Variants in TASOR observed in about 807,000 individuals in gnomAD.
TASOR encodes transcription activation suppressor.
TASOR carries 53 observed loss-of-function variants against 178.6 expected under a neutral mutation model. The ratio of observed to expected loss-of-function variants is 0.30; its 90% confidence interval spans 0.24 to 0.37. The LOEUF is 0.37. Ranked by LOEUF, TASOR falls within the 10% of genes least tolerant of loss-of-function variation. The pLI is 1.00. For synonymous variants in TASOR, 713 were observed against 696.2 expected (o/e 1.02, Z -0.38); for missense variants, 1,815 against 1,971.4 (o/e 0.92, Z 1.50).
At chr3:56,625,686 ATTTC>A (rs1157891053) in intron 21 of TASOR, among the ~76,000 whole-genome samples, 2 of 151,256 alleles carry the variant, frequency 1.3e-5, no homozygotes, top group Non-Finnish European at 2.9e-5. Flanking sequence ...GCTCTAAGCT[ATTTC>A]TTTTTTTTTT....
At chr3:56,631,826 A>T (rs893133494) in intron 18 of TASOR, among the ~76,000 whole-genome samples, 9 of 151,632 alleles carry the variant, frequency 5.9e-5, no homozygotes, top group Non-Finnish European at 1.3e-4. Context: ...CTCGTGATCC[A>T]CCCGTCTTGG....
intron 11 of TASOR, among the ~76,000 whole-genome samples, chr3:56,650,531 C>G (rs1017180664): frequency 3.3e-5 from 5 of 152,116 alleles, no homozygotes; most frequent in African/African-American, 1.2e-4. Flanking sequence ...ATCTGAAGAC[C>G]ATTCTAAACT....
intron 14 of TASOR, among the ~76,000 whole-genome samples, chr3:56,643,934 G>T (rs1265225718): frequency 1.3e-5 from 2 of 152,028 alleles, no homozygotes; most frequent in Non-Finnish European, 2.9e-5. Context: ...TTTCTCATTT[G>T]GTTTATTATA....
At chr3:56,647,560 G>C (rs2077260953) in intron 13 of TASOR, among the ~76,000 whole-genome samples, 1 of 152,146 alleles carries the variant, frequency 6.6e-6, no homozygotes, top group South Asian at 2.1e-4. Context: ...AAGAAACAGA[G>C]ACAGAACAAG....
At chr3:56,646,413 T>C (rs543189054) in intron 14 of TASOR, 109 bp downstream of exon 14, 1 of 837,294 alleles carries the variant, frequency 1.2e-6, no homozygotes, top group African/African-American at 1.7e-5. Flanking sequence ...ACAAAAATAG[T>C]GGACAGGCTG....
intron 1 of TASOR, among the ~76,000 whole-genome samples, chr3:56,679,310 T>C (rs2031593707): frequency 6.6e-6 from 1 of 152,314 alleles, no homozygotes; most frequent in Non-Finnish European, 1.5e-5. Context: ...AGGTTGAACA[T>C]AGTGTACAAT....
intron 17 of TASOR, among the ~76,000 whole-genome samples, chr3:56,638,501 T>C (rs944048974): frequency 6.6e-6 from 1 of 152,178 alleles, no homozygotes; most frequent in Non-Finnish European, 1.5e-5. Context: ...ATATAAATAT[T>C]CGGTGACTTA....
chr3:56,680,938 G>C (rs2031728043), intron 1 of TASOR, among the ~76,000 whole-genome samples: 1 of 151,954 alleles, frequency 6.6e-6, no homozygotes, highest in Non-Finnish European at 1.5e-5. Context: ...AGTGTGTTCA[G>C]CTGAAGTCTA....
At position 56,641,521 on chromosome 3, in the gene TASOR, AACTCAT is replaced by A. The variant is rs1184376814; in HGVS notation, c.2441_2446del (p.Tyr814_Glu815del). On this transcript the variant is annotated inframe_deletion, in exon 15 of 24. Coordinates refer to ENST00000683822, the MANE Select transcript of TASOR (RefSeq NM_001365635.2). ...GTCTTTCTTATCTGGGGTAGAGTTCAACTCATACTCATGTTTTTGCCTCAGCTCTTC... is the reference window on the plus strand; with the variant it reads ...GTCTTTCTTATCTGGGGTAGAGTTCAACTCATGTTTTTGCCTCAGCTCTTC... 1 of 1,614,138 alleles carries A rather than the reference AACTCAT, an allele frequency of 6.2e-7. No homozygotes were observed. Among genetic ancestry groups the A allele is most frequent in the Non-Finnish European group, 8.5e-7 (1 of 1,179,958 alleles).
At chr3:56,631,026 G>C (rs2076901284) in intron 18 of TASOR, among the ~76,000 whole-genome samples, 1 of 152,054 alleles carries the variant, frequency 6.6e-6, no homozygotes, top group Non-Finnish European at 1.5e-5. Flanking sequence ...TATGCAGCTA[G>C]CTATGCCCCC....
Position 56,660,733 on chromosome 3 carries a change from G to A in TASOR, c.1366C>T (p.Leu456Phe), listed in dbSNP as rs780859435. 6.2e-7 allele frequency: 1 copy of A among 1,610,220 alleles called. No homozygotes were observed. The highest frequency in any genetic ancestry group is 8.5e-7 in the Non-Finnish European group (1 of 1,178,414). The change falls in exon 11 of 24, where the codon CTT becomes TTT. Residue 456 changes from leucine to phenylalanine, a missense_variant and splice_region_variant. By Grantham distance (22) the Leu-to-Phe change is conservative. Coordinates refer to ENST00000683822, the MANE Select transcript of TASOR (RefSeq NM_001365635.2). ...ACATTAAAAAACTTTTCACTCACAA[G>A]TTTTTCTCTGTCTAGTTTTTGCAGT... ...SLLQKLDREKLVLVKPLGDRG... is the reference protein window; with the variant it reads ...SLLQKLDREKFVLVKPLGDRG...
intron 6 of TASOR, among the ~76,000 whole-genome samples, chr3:56,667,978 T>C (rs925379740): frequency 5.3e-5 from 8 of 152,198 alleles, no homozygotes; most frequent in African/African-American, 1.7e-4. Flanking sequence ...ATCAATAGTA[T>C]AAAATGTTAT....
intron 1 of TASOR, among the ~76,000 whole-genome samples, chr3:56,676,194 G>C (rs1179256366): frequency 6.6e-6 from 1 of 152,196 alleles, no homozygotes. Context: ...CATCCCAGTA[G>C]CTAGACCTGT....
At chr3:56,668,165 AG>A (rs1381416165) in intron 6 of TASOR, among the ~76,000 whole-genome samples, 2 of 152,204 alleles carry the variant, frequency 1.3e-5, no homozygotes, top group East Asian at 3.9e-4. Context: ...GAGCTAGACT[AG>A]GGAGTCTATA....
intron 1 of TASOR, among the ~76,000 whole-genome samples, chr3:56,677,421 T>C (rs1015273772): frequency 3.3e-5 from 5 of 152,240 alleles, no homozygotes; most frequent in Admixed American, 6.5e-5. Context: ...GAGCTTTACA[T>C]ATATCATCTC....
At position 56,621,949 on chromosome 3, in the gene TASOR, T is replaced by C. The variant is rs975931335; in HGVS notation, c.*1088A>G. ...GACCTCACAGTGTTCTTTCACACTT[T>C]TTATGTAACTTAGGAACTGAAATAC... On this transcript the variant is annotated 3_prime_UTR_variant, in exon 24 of 24. Coordinates refer to ENST00000683822, the MANE Select transcript of TASOR (RefSeq NM_001365635.2). The C allele has an allele frequency of 1.9e-5, 3 of 159,568 alleles. No homozygotes were observed. Among genetic ancestry groups the C allele is most frequent in the African/African-American group, 7.2e-5 (3 of 41,622 alleles). The allele number at this position is 159,568 out of a possible 1,614,324, so 9.9% of individuals were successfully genotyped here.
At position 56,666,301 on chromosome 3, in the gene TASOR, G is replaced by GT; in HGVS notation, c.980dup (p.Tyr327Ter). The GT allele has an allele frequency of 6.5e-7, 1 of 1,546,332 alleles. No individual in the cohort carries two copies. The highest frequency in any genetic ancestry group is 8.7e-7 in the Non-Finnish European group (1 of 1,144,764). ...VCPYAVVSFT[Y>*]KDDIQTPKFV... Reference sequence around the variant, plus strand: ...ACTTCGGAGTTTGTATATCATCTTTGTAAGTAAAAGACACAACTGCATATG... The same window carrying GT: ...ACTTCGGAGTTTGTATATCATCTTTGTTAAGTAAAAGACACAACTGCATATG... The change falls in exon 7 of 24, where the codon TAC becomes TAAC. Residue 327 changes from tyrosine (Y) to a stop codon, truncating the protein, a stop_gained and frameshift_variant. Coordinates refer to ENST00000683822, the MANE Select transcript of TASOR (RefSeq NM_001365635.2). LOFTEE classifies it high-confidence loss of function.
rs540546894 is a variant in TASOR, at chr3:56,677,903, T to C, written c.332-4178A>G. Among the ~76,000 whole-genome samples, 12 of 152,286 alleles carry C rather than the reference T, an allele frequency of 7.9e-5. No individual in the cohort carries two copies. In the East Asian group the frequency reaches 2.3e-3, roughly 29 times the overall value. The stretch of plus-strand genomic sequence containing the variant: ...AGAAGTTCTTTCACACATTAAGAAA[T>C]GTGTAATTTTGCTTATTTGATCGAT... On this transcript the variant is annotated intron_variant, in intron 1 of 23. Coordinates refer to ENST00000683822, the MANE Select transcript of TASOR (RefSeq NM_001365635.2).
intron 6 of TASOR, among the ~76,000 whole-genome samples, chr3:56,667,921 G>C (rs2030232587): frequency 6.6e-6 from 1 of 152,074 alleles, no homozygotes; most frequent in Admixed American, 6.6e-5. Flanking sequence ...AATAGTTCTA[G>C]GTTTGCATCT....
Sources: gnomAD v4.1 joint callset for allele counts (sites outside exome capture counted in the v4.1 genomes callset) on GRCh38, gnomAD v4.1.1 for gene constraint, MANE v1.5 for transcripts, NCBI Gene and HGNC (gene_info 2026-07-23, HGNC 2026-07-21) for gene names.